The following STRBP variants were observed in gnomAD, a reference collection of about 807,000 sequenced individuals.
The protein encoded by STRBP is spermatid perinuclear RNA binding protein.
In STRBP, 13 loss-of-function variants were observed where a neutral mutation model predicts 80.1. The observed-to-expected ratio is 0.16, with a 90% CI of 0.11 to 0.26. The LOEUF (loss-of-function observed/expected upper bound fraction) is 0.26, where lower values mean the gene tolerates loss of function less well. STRBP is among the 10% of genes least tolerant of loss of function. The pLI is 1.00. For synonymous variants in STRBP, 284 were observed against 291.2 expected (o/e 0.98, Z 0.25); for missense variants, 485 against 815.2 (o/e 0.59, Z 4.93).
At chr9:123,266,900 A>C (rs2041279318) in intron 1 of STRBP, among the ~76,000 whole-genome samples, 1 of 151,650 alleles carries the variant, frequency 6.6e-6, no homozygotes, top group African/African-American at 2.4e-5. Flanking sequence ...CACAAAATTC[A>C]GTGCCCCAAA....
At chr9:123,129,830 A>C (rs2036059880) in intron 17 of STRBP, among the ~76,000 whole-genome samples, 1 of 152,228 alleles carries the variant, frequency 6.6e-6, no homozygotes, top group South Asian at 2.1e-4. Flanking sequence ...TGAGGGATGA[A>C]CAATTTTTAC....
At chr9:123,247,533 T>G (rs1170996023) in intron 1 of STRBP, among the ~76,000 whole-genome samples, 1 of 152,188 alleles carries the variant, frequency 6.6e-6, no homozygotes, top group African/African-American at 2.4e-5. Context: ...CCTCCCAAAG[T>G]GCTGGGATTA....
In STRBP at chr9:123,176,490, C is replaced by T. The variant is rs2038225579; in HGVS notation, c.224+2517G>A. Reference sequence around the variant, plus strand: ...AAAGTTTGTTAATGATTCTGAGTCACTCTTTTTTTTATAAGCAAGTTTGGA... The same window carrying T: ...AAAGTTTGTTAATGATTCTGAGTCATTCTTTTTTTTATAAGCAAGTTTGGA... On this transcript the variant is annotated intron_variant, in intron 4 of 18. Transcript: ENST00000348403. Among the ~76,000 whole-genome samples, 2 of 152,168 alleles carry T rather than the reference C, an allele frequency of 1.3e-5. 1 individual carries two copies. The highest frequency in any genetic ancestry group is 4.8e-5 in the African/African-American group (2 of 41,428).
chr9:123,239,955 T>G (rs963137060), intron 1 of STRBP, among the ~76,000 whole-genome samples: 2 of 152,186 alleles, frequency 1.3e-5, no homozygotes, highest in South Asian at 2.1e-4. Context: ...GTCAAGTGAT[T>G]CATCCAATGT....
chr9:123,130,825 C>A (rs1431186700), intron 17 of STRBP, among the ~76,000 whole-genome samples: 1 of 152,068 alleles, frequency 6.6e-6, no homozygotes, highest in Non-Finnish European at 1.5e-5. Flanking sequence ...CATCACTCTT[C>A]TTTCTATATA....
chr9:123,228,398 C>T lies in STRBP; in HGVS notation c.-165+8432G>A, dbSNP rs193183001. ...CAATGGACACGCCAATTTTTAAAGG[C>T]AGGAGAGAAAGGAGTAAATAACAAA... On this transcript the variant is annotated intron_variant, in intron 2 of 18. Transcript: ENST00000348403. Among the ~76,000 whole-genome samples the T allele has an allele frequency of 4.6e-5, 7 of 152,038 alleles. No individual in the cohort carries two copies. In the East Asian group the frequency reaches 1.2e-3, roughly 25 times the overall value.
chr9:123,184,869 T>G (rs1441543240), intron 2 of STRBP, among the ~76,000 whole-genome samples: 36 of 152,210 alleles, frequency 2.4e-4, no homozygotes, highest in Admixed American at 2.4e-3. Context: ...TGGGCCTGTA[T>G]GCACTGCTAT....
At chr9:123,166,584 T>C (rs934632128) in intron 6 of STRBP, among the ~76,000 whole-genome samples, 2 of 151,984 alleles carry the variant, frequency 1.3e-5, no homozygotes, top group Non-Finnish European at 2.9e-5. Flanking sequence ...CAAAACCTCA[T>C]CTCTACTAAA....
intron 2 of STRBP, among the ~76,000 whole-genome samples, chr9:123,187,681 TC>T (rs1438517467): frequency 6.6e-6 from 1 of 152,156 alleles, no homozygotes; most frequent in Non-Finnish European, 1.5e-5. Flanking sequence ...GACATTATTT[TC>T]TAGAGCAGCT....
At chr9:123,246,122 A>G (rs1020854545) in intron 1 of STRBP, among the ~76,000 whole-genome samples, 1 of 152,238 alleles carries the variant, frequency 6.6e-6, no homozygotes, top group African/African-American at 2.4e-5. Flanking sequence ...TTTTAGACTT[A>G]ACCTAAAATC....
chr9:123,162,222 G>GT (rs1327931731), intron 6 of STRBP, among the ~76,000 whole-genome samples: 1 of 109,222 alleles, frequency 9.2e-6, no homozygotes, highest in Admixed American at 9.4e-5. Context: ...TTATTCTGTG[G>GT]TTTTTTTCTT....
intron 11 of STRBP, among the ~76,000 whole-genome samples, chr9:123,154,954 C>G (rs148783721): frequency 1.3e-5 from 2 of 152,126 alleles, no homozygotes; most frequent in Non-Finnish European, 2.9e-5. Flanking sequence ...CAGGTTTTTA[C>G]GCTGATGAGA....
intron 1 of STRBP, among the ~76,000 whole-genome samples, chr9:123,252,097 GAA>G (rs2040930511): frequency 6.6e-6 from 1 of 151,904 alleles, no homozygotes; most frequent in Non-Finnish European, 1.5e-5. Context: ...TGAGAAAAAG[GAA>G]AAGTTGCAGG....
intron 2 of STRBP, among the ~76,000 whole-genome samples, chr9:123,228,154 A>G (rs1455012012): frequency 1.3e-5 from 2 of 152,192 alleles, no homozygotes; most frequent in Admixed American, 1.3e-4. Context: ...CATTGCCTTG[A>G]TCAGAGATGG....
At chr9:123,157,220 G>A (rs1284422670) in intron 11 of STRBP, among the ~76,000 whole-genome samples, 2 of 152,148 alleles carry the variant, frequency 1.3e-5, no homozygotes, top group African/African-American at 4.8e-5. Context: ...TTTCCAATAT[G>A]CTTTTCTTCT....
At chr9:123,264,047 C>T (rs868826177) in intron 1 of STRBP, among the ~76,000 whole-genome samples, 4 of 152,140 alleles carry the variant, frequency 2.6e-5, no homozygotes, top group Admixed American at 6.5e-5. Context: ...GGCGTGGTGG[C>T]GGGCACCTGT....
chr9:123,214,145 T>TACACAC (rs138090782), intron 2 of STRBP, among the ~76,000 whole-genome samples: 5,406 of 141,392 alleles, frequency 0.038, 124 homozygotes, highest in Admixed American at 0.083. Flanking sequence ...TATATATGTA[T>TACACAC]ACACACACAC....
At chr9:123,185,387 C>T (rs1469588179) in intron 2 of STRBP, among the ~76,000 whole-genome samples, 2 of 151,866 alleles carry the variant, frequency 1.3e-5, no homozygotes, top group Admixed American at 1.3e-4. Flanking sequence ...GGCAACAGAG[C>T]GATACCCTAT....
intron 2 of STRBP, among the ~76,000 whole-genome samples, chr9:123,200,730 G>A (rs964287226): frequency 8.3e-4 from 10 of 12,090 alleles, no homozygotes; most frequent in Non-Finnish European, 2.0e-3. Context: ...CACACACCCC[G>A]CTAATTTTTT....
Sources: allele counts gnomAD v4.1 joint callset (sites outside exome capture counted in the v4.1 genomes callset), GRCh38; gene constraint gnomAD v4.1.1; transcripts MANE v1.5; gene names NCBI Gene and HGNC (gene_info 2026-07-23, HGNC 2026-07-21).